Variants in ASIC2 observed in about 807,000 individuals in gnomAD.
The protein encoded by ASIC2 is acid sensing ion channel subunit 2.
In ASIC2, 25 loss-of-function variants were observed where a neutral mutation model predicts 57.3. The observed-to-expected ratio is 0.44, with a 90% confidence interval of 0.32 to 0.61. ASIC2 has a LOEUF of 0.61. Among genes scored for constraint, ASIC2 ranks in the 20% least tolerant of loss-of-function variants. The probability of loss-of-function intolerance (pLI) is 0.06; values close to 1 mark genes in which losing one functional copy is unlikely to be tolerated. For missense variants in ASIC2, 641 were observed against 738.1 expected, an observed-to-expected ratio of 0.87 and a Z score of 1.52; for synonymous variants, 319 against 307.5, an observed-to-expected ratio of 1.04 and a Z score of -0.39.
At chr17:33,238,243 T>G (rs1202702585) in intron 1 of ASIC2, among the ~76,000 whole-genome samples, 1 of 152,236 alleles carries the variant, frequency 6.6e-6, no homozygotes, top group African/African-American at 2.4e-5. Flanking sequence ...CTGTGAGAGC[T>G]GCACGACGGC....
At chr17:33,058,335 G>A (rs1445238090) in intron 3 of ASIC2, among the ~76,000 whole-genome samples, 5 of 152,026 alleles carry the variant, frequency 3.3e-5, no homozygotes, top group Admixed American at 2.6e-4. Flanking sequence ...AAGGATGGGA[G>A]ATTTGTTTGG....
chr17:33,550,704 G>T (rs984364949), intron 1 of ASIC2, among the ~76,000 whole-genome samples: 1 of 152,224 alleles, frequency 6.6e-6, no homozygotes, highest in Non-Finnish European at 1.5e-5. Flanking sequence ...GGTATGATGA[G>T]CCCAGAGTGG....
At chr17:33,424,122 G>A (rs1322388997) in intron 1 of ASIC2, among the ~76,000 whole-genome samples, 1 of 152,090 alleles carries the variant, frequency 6.6e-6, no homozygotes, top group African/African-American at 2.4e-5. Flanking sequence ...TACAGGGTGG[G>A]GCTCTGAGAA....
intron 1 of ASIC2, among the ~76,000 whole-genome samples, chr17:33,781,889 G>A (rs959556881): frequency 4.8e-4 from 73 of 152,272 alleles, no homozygotes; most frequent in African/African-American, 1.7e-3. Flanking sequence ...TCCACTTGTA[G>A]ATATAACTTG....
chr17:34,064,611 A>C (rs1909098275), intron 1 of ASIC2, among the ~76,000 whole-genome samples: 1 of 152,218 alleles, frequency 6.6e-6, no homozygotes, highest in African/African-American at 2.4e-5. Context: ...GTGGGAGAGA[A>C]TCTTCACAAT....
chr17:33,331,607 T>C (rs549054127), intron 1 of ASIC2, among the ~76,000 whole-genome samples: 43 of 152,370 alleles, frequency 2.8e-4, no homozygotes, highest in African/African-American at 1.0e-3. Context: ...TGCACAGGTC[T>C]GTGTTGATTC....
chr17:33,611,891 A>G (rs1905420804), intron 1 of ASIC2, among the ~76,000 whole-genome samples: 1 of 152,236 alleles, frequency 6.6e-6, no homozygotes, highest in Admixed American at 6.5e-5. Flanking sequence ...GAATTGGCTC[A>G]TGCAGTTATA....
intron 1 of ASIC2, among the ~76,000 whole-genome samples, chr17:33,184,013 T>C (rs2142061484): frequency 6.6e-6 from 1 of 152,316 alleles, no homozygotes; most frequent in South Asian, 2.1e-4. Flanking sequence ...TTTTGAGGAT[T>C]TGGGCATTGT....
At chr17:33,625,129 G>GTCTACCTA (rs1555548115) in intron 1 of ASIC2, among the ~76,000 whole-genome samples, 1 of 146,340 alleles carries the variant, frequency 6.8e-6, no homozygotes, top group African/African-American at 2.5e-5. Flanking sequence ...TGGCCTCTCT[G>GTCTACCTA]TCTATCTATC....
At chr17:34,073,589 G>C (rs144451058) in intron 1 of ASIC2, among the ~76,000 whole-genome samples, 1 of 152,314 alleles carries the variant, frequency 6.6e-6, no homozygotes, top group East Asian at 1.9e-4. Context: ...ACATTTTCAA[G>C]TATCGGGGAC....
intron 1 of ASIC2, among the ~76,000 whole-genome samples, chr17:33,630,346 G>C (rs1366586093): frequency 6.6e-6 from 1 of 152,074 alleles, no homozygotes; most frequent in Non-Finnish European, 1.5e-5. Context: ...GTGCCCCTCT[G>C]CTCCTGTCTG....
intron 1 of ASIC2, among the ~76,000 whole-genome samples, chr17:33,590,133 G>A (rs1443463218): frequency 6.6e-6 from 1 of 152,118 alleles, no homozygotes; most frequent in Non-Finnish European, 1.5e-5. Flanking sequence ...GGAAAAGAGG[G>A]TGGATCATGG....
chr17:33,481,444 T>C (rs6505346), intron 1 of ASIC2, among the ~76,000 whole-genome samples: 152,322 of 152,350 alleles, frequency 1, 76,147 homozygotes, highest in Middle Eastern at 1. Flanking sequence ...TTTTCACCTT[T>C]GTCTTTGTTG....
At chr17:33,290,875 A>G (rs1182883883) in intron 1 of ASIC2, 1 of 152,150 alleles carries the variant, frequency 6.6e-6, no homozygotes, top group African/African-American at 2.4e-5. Context: ...GTGTTTGGGA[A>G]CTTTGAAGAC....
rs551257638 is a variant in ASIC2 at position 33,016,445 on chromosome 17, A to T, written c.1522-406T>A. 4.6e-5 allele frequency among the ~76,000 whole-genome samples: 7 copies of T among 152,274 alleles called. No individual in the cohort carries two copies. In the East Asian group the frequency reaches 1.4e-3, roughly 29 times the overall value. ...ACTTGCTAGGCCTGACACTGCACAC[A>T]ATTCAGAAGACCAGGACATGCCTGA... is the stretch of plus-strand genomic sequence containing the variant. On this transcript the variant is annotated intron_variant, in intron 8 of 9. Transcript: ENST00000225823.
At chr17:33,595,362 T>C (rs533602400) in intron 1 of ASIC2, among the ~76,000 whole-genome samples, 1 of 152,342 alleles carries the variant, frequency 6.6e-6, no homozygotes, top group Non-Finnish European at 1.5e-5. Context: ...AGTCAGCTAG[T>C]TTGGGAAGAG....
intron 2 of ASIC2, 114 bp downstream of exon 2, chr17:33,111,803 C>A (rs529783316): frequency 7.0e-7 from 1 of 1,422,580 alleles, no homozygotes; most frequent in African/African-American, 1.5e-5. Flanking sequence ...GTCACAAACC[C>A]CTTGCTGGAG....
Position 33,452,553 on chromosome 17 carries a change from T to C in ASIC2, c.556-340486A>G, listed in dbSNP as rs546167767. 3.9e-5 allele frequency among the ~76,000 whole-genome samples: 6 copies of C among 152,326 alleles called. No individual in the cohort carries two copies. The South Asian group carries it at 1.2e-3, about 32-fold the overall frequency. On this transcript the variant is annotated intron_variant, in intron 1 of 9. Coordinates refer to the ASIC2 transcript ENST00000359872. The stretch of plus-strand genomic sequence containing the variant: ...TAGTTGTTAGTGGGTAGACAGTCAC[T>C]GTTTCTCATGTGCTTCCTGGGCCCA...
intron 1 of ASIC2, among the ~76,000 whole-genome samples, chr17:33,504,392 G>T (rs2141944097): frequency 6.6e-6 from 1 of 152,320 alleles, no homozygotes; most frequent in South Asian, 2.1e-4. Context: ...AGGCTGGAGT[G>T]CAGTACTGCA....
Sources: allele counts gnomAD v4.1 joint callset (sites outside exome capture counted in the v4.1 genomes callset), GRCh38; gene constraint gnomAD v4.1.1; transcripts MANE v1.5; gene names NCBI Gene and HGNC (gene_info 2026-07-23, HGNC 2026-07-21).